The following ADAM8 variants were observed in gnomAD, a reference collection of about 807,000 sequenced individuals.
ADAM8 encodes disintegrin and metalloproteinase domain-containing protein 8.
A neutral mutation model predicts 102.4 loss-of-function variants in ADAM8; 104 were observed. The ratio of observed to expected loss-of-function variants is 1.02; its 90% CI spans 0.87 to 1.20. The LOEUF (loss-of-function observed/expected upper bound fraction) is 1.20, where lower values mean the gene tolerates loss of function less well. Among genes scored for constraint, ADAM8 ranks in the 50% most tolerant of loss-of-function variants. The pLI is 0.00. For synonymous variants in ADAM8, 517 were observed against 485.2 expected (o/e 1.07, Z -0.86); for missense variants, 1,132 against 1,159.0 (o/e 0.98, Z 0.34).
At chr10:133,273,204 C>T in intron 6 of ADAM8, 50 bp downstream of exon 6, 1 of 1,589,228 alleles carries the variant, frequency 6.3e-7, no homozygotes, top group Non-Finnish European at 8.6e-7. Context: ...ACAGGCCAGG[C>T]AAGTGGACAC....
intron 17 of ADAM8, 34 bp downstream of exon 17, chr10:133,269,863 G>GT (rs1487233750): frequency 6.2e-7 from 1 of 1,608,962 alleles, no homozygotes; most frequent in South Asian, 1.1e-5. Context: ...GGCAGCCTCT[G>GT]TGCAGGGGCC....
In ADAM8 at chr10:133,269,710, C is replaced by G. The variant is rs1358464242; in HGVS notation, c.1864-181G>C. Among the ~76,000 whole-genome samples, 8 of 152,332 alleles carry G rather than the reference C, an allele frequency of 5.3e-5. No individual in the cohort carries two copies. In the East Asian group the frequency reaches 1.5e-3, roughly 29 times the overall value. ...CCCTGCCCGCTGCCCGGTGACCATGCAGGTTCCATCCACGGAGGCCACCCA... is the reference window on the plus strand; with the variant it reads ...CCCTGCCCGCTGCCCGGTGACCATGGAGGTTCCATCCACGGAGGCCACCCA... On this transcript the variant is annotated intron_variant, in intron 17 of 22. Coordinates refer to ENST00000445355, the MANE Select transcript of ADAM8 (RefSeq NM_001109.5).
At chr10:133,272,626 G>A (rs201303080) in intron 8 of ADAM8, 41 bp from the exon 9 acceptor site, 37 of 1,579,320 alleles carry the variant, frequency 2.3e-5, no homozygotes, top group Admixed American at 8.5e-5. Flanking sequence ...GCAGGGTGGC[G>A]GAAGGTACAG....
intron 21 of ADAM8, 23 bp from the exon 22 acceptor site, chr10:133,263,788 G>C: frequency 6.6e-7 from 1 of 1,515,376 alleles, no homozygotes; most frequent in Non-Finnish European, 8.9e-7. Context: ...AGACACAGCT[G>C]ACATGGGTCC....
intron 3 of ADAM8, 55 bp downstream of exon 3, chr10:133,274,104 C>T: frequency 6.3e-7 from 1 of 1,585,808 alleles, no homozygotes; most frequent in African/African-American, 1.3e-5. Flanking sequence ...ACGCCGGGGA[C>T]ACCAGTGTGC....
intron 8 of ADAM8, 58 bp downstream of exon 8, chr10:133,272,740 A>C (rs974889568): frequency 6.0e-5 from 78 of 1,294,554 alleles, no homozygotes; most frequent in African/African-American, 3.2e-4. Flanking sequence ...CTGTGGCAAC[A>C]CCCCCCCCAC....
chr10:133,269,407 G>T, intron 18 of ADAM8, 38 bp downstream of exon 18: 1 of 1,474,708 alleles, frequency 6.8e-7, no homozygotes, highest in South Asian at 1.3e-5. Flanking sequence ...CTCTGAGCTT[G>T]GACCCCAGCC....
At chr10:133,271,345 G>A in intron 12 of ADAM8, 56 bp from the exon 13 acceptor site, 3 of 1,563,518 alleles carry the variant, frequency 1.9e-6, no homozygotes, top group Non-Finnish European at 8.7e-7. Context: ...TGGGCTCCAG[G>A]GCGGACCTGG....
rs544430122 is a variant in ADAM8 at position 133,266,804 on chromosome 10, C to T, written c.2319+548G>A. Among the ~76,000 whole-genome samples the T allele has an allele frequency of 2.5e-3, 382 of 152,264 alleles. 5 individuals are homozygous for T. The highest frequency in any genetic ancestry group is 4.7e-4 in the Non-Finnish European group (32 of 68,006). On this transcript the variant is annotated intron_variant, in intron 21 of 22. Coordinates refer to ENST00000445355, the MANE Select transcript of ADAM8 (RefSeq NM_001109.5). ...GGCTGAGGCCAATGAGCTGCCCCCA[C>T]GGGGTCCAAAAAGGGCTCCAAGGTT...
intron 1 of ADAM8, 120 bp downstream of exon 1, chr10:133,276,652 C>T (rs964217714): frequency 3.6e-6 from 5 of 1,393,972 alleles, no homozygotes; most frequent in East Asian, 5.9e-5. Flanking sequence ...GGGACCAGCC[C>T]GAAGCCGGGC....
In ADAM8 at chr10:133,268,799, G is replaced by T; in HGVS notation, c.2012C>A (p.Thr671Asn). 1 of 1,610,832 alleles carries T rather than the reference G, an allele frequency of 6.2e-7. No homozygotes were observed. Among genetic ancestry groups the T allele is most frequent in the South Asian group, 1.1e-5 (1 of 91,080 alleles). Residue 671 changes from threonine (T) to asparagine (N), a missense_variant, in exon 19 of 23, where the codon ACC (threonine) becomes AAC (asparagine). Physicochemically the swap from Thr to Asn is moderately conservative, Grantham distance 65. Coordinates refer to ENST00000445355, the MANE Select transcript of ADAM8 (RefSeq NM_001109.5). ...GCGGTAGACGATGATGCCTGCCAGG[G>T]TGACCAGCACAACTGCCAGGAGCAC... ...VLVLLAVVLVTLAGIIVYRKA... is the reference protein window; with the variant it reads ...VLVLLAVVLVNLAGIIVYRKA...
rs369976763 is a variant in ADAM8 at position 133,268,812 on chromosome 10, C to T, written c.1999G>A (p.Val667Ile). 3 of 1,610,500 alleles carry T rather than the reference C, an allele frequency of 1.9e-6. No individual in the cohort carries two copies. Among genetic ancestry groups the T allele is most frequent in the African/African-American group, 2.7e-5 (2 of 74,942 alleles). Reference protein sequence around the residue: ...FVVVVLVLLAVVLVTLAGIIV... With the variant: ...FVVVVLVLLAIVLVTLAGIIV... ...ATGCCTGCCAGGGTGACCAGCACAA[C>T]TGCCAGGAGCACCAGAACCACCACC... Residue 667 changes from valine (V) to isoleucine (I), a missense_variant, in exon 19 of 23, where the codon GTT becomes ATT. Val to Ile is a conservative substitution (Grantham distance 29). Transcript: ENST00000445355.
At position 133,270,098 on chromosome 10, in the gene ADAM8, C is replaced by T. The variant is rs543087441; in HGVS notation, c.1786-124G>A. 7 of 1,242,782 alleles carry T rather than the reference C, an allele frequency of 5.6e-6. No individual in the cohort carries two copies. In the East Asian group the frequency reaches 1.8e-4, roughly 31 times the overall value. 77.0% of individuals were successfully genotyped at this position (1,242,782 alleles called of 1,614,324 possible). A position where few individuals can be genotyped will look rare whatever the true frequency, so the allele number is the denominator to read the frequency against. ...CACGTCCAAGGTGGCTGTGCTTCAG[C>T]CCATCTGCCGGCTGCCTACCCCCAA... On this transcript the variant is annotated intron_variant, in intron 16 of 22. Transcript: ENST00000445355.
chr10:133,270,778 A>G lies in ADAM8; in HGVS notation c.1592T>C (p.Phe531Ser). The change falls in exon 15 of 23, where the codon TTC becomes TCC. Residue 531 changes from phenylalanine to serine, a missense_variant. Phe to Ser is a radical substitution (Grantham distance 155). Coordinates refer to ENST00000445355, the MANE Select transcript of ADAM8 (RefSeq NM_001109.5). Reference sequence around the variant, plus strand: ...GCAGCCTGGTAGGATGTCATAGGAGAAGCAGGACTCCTCGGCAGCCTGCCC... The same window carrying G: ...GCAGCCTGGTAGGATGTCATAGGAGGAGCAGGACTCCTCGGCAGCCTGCCC... ...PGGQAAEESC[F>S]SYDILPGCKA... The G allele has an allele frequency of 6.2e-7, 1 of 1,607,690 alleles. No individual in the cohort carries two copies. The highest frequency in any genetic ancestry group is 8.5e-7 in the Non-Finnish European group (1 of 1,176,948).
rs111835426 is a variant in ADAM8 at position 133,275,257 on chromosome 10, C to T, written c.150+227G>A. Among the ~76,000 whole-genome samples, 410 of 152,288 alleles carry T rather than the reference C, an allele frequency of 2.7e-3. 2 individuals are homozygous for T. The highest frequency in any genetic ancestry group is 9.2e-3 in the African/African-American group (384 of 41,570). ...GGGCCCGGGGCCAGCACAACCTGCC[C>T]CTGCTCCCTTCCAGGGGTCCATAGA... On this transcript the variant is annotated intron_variant, in intron 2 of 22. Coordinates refer to ENST00000445355, the MANE Select transcript of ADAM8 (RefSeq NM_001109.5).
At chr10:133,269,398 T>C in intron 18 of ADAM8, 47 bp downstream of exon 18, 3 of 1,459,636 alleles carry the variant, frequency 2.1e-6, no homozygotes, top group Non-Finnish European at 2.7e-6. Flanking sequence ...GTTCGGGCCC[T>C]CTGAGCTTGG....
At position 133,273,330 on chromosome 10, in the gene ADAM8, G is replaced by T; in HGVS notation, c.497C>A (p.Thr166Asn). ...CAGGCTGTCGTCGCTGACCCCGCAG[G>T]TCCCGGCCGTCTGCAGCAGGTGCTC... ...QAEHLLQTAG[T>N]CGVSDDSLGS... The change falls in exon 6 of 23, where the codon ACC becomes AAC. Residue 166 changes from threonine to asparagine, a missense_variant. Physicochemically the swap from Thr to Asn is moderately conservative, Grantham distance 65 (BLOSUM62 0). Coordinates refer to ENST00000445355, the MANE Select transcript of ADAM8 (RefSeq NM_001109.5). The T allele has an allele frequency of 6.3e-7, 1 of 1,576,070 alleles. No individual in the cohort carries two copies. Among genetic ancestry groups the T allele is most frequent in the African/African-American group, 1.3e-5 (1 of 74,140 alleles).
chr10:133,263,605 G>A, intron 22 of ADAM8, 83 bp downstream of exon 22: 1 of 54,156 alleles, frequency 1.8e-5, no homozygotes, highest in Non-Finnish European at 2.9e-5. Context: ...CCACCCTCCA[G>A]GGCAGTGCCA....
intron 1 of ADAM8, 147 bp downstream of exon 1, chr10:133,276,625 C>T: frequency 8.0e-7 from 1 of 1,248,634 alleles, no homozygotes; most frequent in Non-Finnish European, 1.1e-6. Flanking sequence ...CACTGTGCAC[C>T]TGATGGCCCG....
Sources: gnomAD v4.1 joint callset for allele counts (sites outside exome capture counted in the v4.1 genomes callset) on GRCh38, gnomAD v4.1.1 for gene constraint, MANE v1.5 for transcripts, NCBI Gene and HGNC (gene_info 2026-07-23, HGNC 2026-07-21) for gene names.